NIPAL2: variants seen among roughly 807,000 people sequenced by gnomAD.
NIPAL2 encodes the protein NIPA-like protein 2.
NIPAL2 carries 43 observed loss-of-function variants against 48.9 expected under a neutral mutation model. The ratio of observed to expected loss-of-function variants is 0.88; its 90% CI spans 0.69 to 1.13. The LOEUF is 1.13. Among genes scored for constraint, NIPAL2 ranks in the 50% most tolerant of loss-of-function variants. The probability of loss-of-function intolerance (pLI) is 0.00; values close to 1 mark genes in which losing one functional copy is unlikely to be tolerated. For missense variants in NIPAL2, 446 were observed against 461.4 expected (o/e 0.97, Z 0.31); for synonymous variants, 167 against 174.6 (o/e 0.96, Z 0.34).
chr8:98,285,951 T>A (rs1366564861), intron 1 of NIPAL2, among the ~76,000 whole-genome samples: 1 of 152,162 alleles, frequency 6.6e-6, no homozygotes, highest in Non-Finnish European at 1.5e-5. Flanking sequence ...CCCCCAAAGT[T>A]CATGTGTTGG....
At chr8:98,220,544 G>C (rs1811803318) in intron 5 of NIPAL2, among the ~76,000 whole-genome samples, 1 of 151,992 alleles carries the variant, frequency 6.6e-6, no homozygotes, top group Non-Finnish European at 1.5e-5. Context: ...AAGTAGCTGG[G>C]ACTGCAGGTG....
chr8:98,245,457 T>A (rs1260930599), intron 3 of NIPAL2, among the ~76,000 whole-genome samples: 1 of 152,232 alleles, frequency 6.6e-6, no homozygotes, highest in Admixed American at 6.5e-5. Context: ...AAGTAATTCA[T>A]GTTGATTAAA....
chr8:98,216,836 T>C (rs1321935826), intron 5 of NIPAL2, among the ~76,000 whole-genome samples: 2 of 152,214 alleles, frequency 1.3e-5, no homozygotes, highest in Non-Finnish European at 2.9e-5. Context: ...TTTTCTAACA[T>C]GGTTTTTGCA....
chr8:98,251,845 A>C (rs569298651), intron 3 of NIPAL2: 9 of 152,190 alleles, frequency 5.9e-5, no homozygotes, highest in Non-Finnish European at 8.8e-5. Context: ...AAAACCAAAA[A>C]GATTTTATTG....
At chr8:98,285,694 T>C (rs1262220196) in intron 1 of NIPAL2, among the ~76,000 whole-genome samples, 1 of 152,216 alleles carries the variant, frequency 6.6e-6, no homozygotes, top group Non-Finnish European at 1.5e-5. Context: ...GATTACTTTC[T>C]TTTCTTATTT....
intron 5 of NIPAL2, among the ~76,000 whole-genome samples, chr8:98,220,815 T>G (rs547147064): frequency 1.4e-4 from 21 of 152,264 alleles, no homozygotes; most frequent in African/African-American, 4.8e-4. Context: ...CCTAGAATAT[T>G]ATTATTCCCC....
Position 98,205,146 on chromosome 8 carries a change from A to G in NIPAL2, c.756T>C (p.Phe252=). The part of the protein sequence containing the change: ...QLTYPIFYIM[F]IIMIASCVFQ... ...AAACACAAGATGCTATCATGATGATAAACATGATATAGAAAATGGGGTAAG... is the reference window on the plus strand; with the variant it reads ...AAACACAAGATGCTATCATGATGATGAACATGATATAGAAAATGGGGTAAG... Residue 252 remains phenylalanine, a synonymous_variant, in exon 7 of 11, where the codon TTT becomes TTC. Transcript: ENST00000430223. 6.2e-7 allele frequency: 1 copy of G among 1,612,902 alleles called. No homozygotes were observed. The highest frequency in any genetic ancestry group is 1.3e-5 in the African/African-American group (1 of 75,044).
rs766668919 is a variant in NIPAL2 at position 98,252,490 on chromosome 8, C to T, written c.349G>A (p.Ala117Thr). ...AYGFAPITLI[A>T]PLGCVSVTGS... is the part of the protein sequence containing the mutation. ...GTAACAGACACACAGCCTAACGGAG[C>T]GATCAGAGTAATGGGAGCAAATCCA... The change falls in exon 3 of 11, where the codon GCT (alanine) becomes ACT (threonine). Residue 117 changes from alanine (A) to threonine (T), a missense_variant. Coordinates refer to ENST00000430223, the MANE Select transcript of NIPAL2 (RefSeq NM_001321635.2). 6.8e-6 allele frequency: 11 copies of T among 1,612,670 alleles called. No homozygotes were observed. Among genetic ancestry groups the T allele is most frequent in the Non-Finnish European group, 9.3e-6 (11 of 1,179,538 alleles).
chr8:98,292,714 T>G (rs1586507244), intron 1 of NIPAL2, among the ~76,000 whole-genome samples: 3 of 148,958 alleles, frequency 2.0e-5, no homozygotes, highest in Admixed American at 1.4e-4. Flanking sequence ...TGATCACATC[T>G]GCTAACCCTC....
intron 5 of NIPAL2, among the ~76,000 whole-genome samples, chr8:98,215,968 G>A (rs888935420): frequency 1.3e-5 from 2 of 152,192 alleles, no homozygotes; most frequent in Admixed American, 1.3e-4. Flanking sequence ...TGTGGCAAAA[G>A]AGATAGACAA....
intron 1 of NIPAL2, among the ~76,000 whole-genome samples, chr8:98,293,051 C>T (rs1189625097): frequency 1.3e-5 from 2 of 152,160 alleles, no homozygotes; most frequent in Non-Finnish European, 2.9e-5. Flanking sequence ...ATATTCTCTT[C>T]TGCATTCAGA....
chr8:98,206,806 A>C (rs1027113308), intron 6 of NIPAL2, among the ~76,000 whole-genome samples: 1 of 151,520 alleles, frequency 6.6e-6, no homozygotes, highest in African/African-American at 2.4e-5. Context: ...AAAAAAAATC[A>C]TAATTGACAG....
chr8:98,237,830 C>T (rs981094168), intron 3 of NIPAL2, among the ~76,000 whole-genome samples: 2 of 152,210 alleles, frequency 1.3e-5, no homozygotes, highest in African/African-American at 4.8e-5. Flanking sequence ...CACCCTTATG[C>T]TCTGATTACC....
intron 10 of NIPAL2, 75 bp from the exon 11 acceptor site, chr8:98,193,165 TA>T: frequency 5.7e-6 from 7 of 1,236,742 alleles, no homozygotes; most frequent in Non-Finnish European, 8.3e-6. Flanking sequence ...CTCCTCAATC[TA>T]GGCCACATTT....
chr8:98,206,101 T>G (rs964504922), intron 6 of NIPAL2, among the ~76,000 whole-genome samples: 1 of 152,206 alleles, frequency 6.6e-6, no homozygotes, highest in African/African-American at 2.4e-5. Flanking sequence ...GCTTTCTGTC[T>G]TATGTCCCTC....
intron 6 of NIPAL2, among the ~76,000 whole-genome samples, chr8:98,208,899 C>T (rs917348789): frequency 2.0e-5 from 3 of 152,106 alleles, no homozygotes; most frequent in East Asian, 3.8e-4. Context: ...TACTTTGTTA[C>T]GTCTCATGGA....
chr8:98,286,959 C>T (rs1254625710), intron 1 of NIPAL2, among the ~76,000 whole-genome samples: 9 of 152,050 alleles, frequency 5.9e-5, no homozygotes, highest in Non-Finnish European at 1.2e-4. Flanking sequence ...TGTCAGGCCT[C>T]ATGCAATTAG....
chr8:98,286,828 A>AC (rs1193113660), intron 1 of NIPAL2, among the ~76,000 whole-genome samples: 1 of 149,510 alleles, frequency 6.7e-6, no homozygotes, highest in African/African-American at 2.5e-5. Flanking sequence ...AAAAAAAAAA[A>AC]AAAAAACCAA....
intron 10 of NIPAL2, 168 bp from the exon 11 acceptor site, chr8:98,193,258 A>G (rs1810382062): frequency 2.6e-6 from 3 of 1,154,494 alleles, no homozygotes; most frequent in Non-Finnish European, 3.9e-6. Flanking sequence ...TTGAAACGCC[A>G]TGTCTGTAGC....
Sources: allele counts gnomAD v4.1 joint callset (sites outside exome capture counted in the v4.1 genomes callset), GRCh38; gene constraint gnomAD v4.1.1; transcripts MANE v1.5; gene names NCBI Gene and HGNC (gene_info 2026-07-23, HGNC 2026-07-21).